Variants in PADI4 observed in about 807,000 individuals in gnomAD.
PADI4 encodes the protein protein-arginine deiminase type-4.
PADI4 carries 62 observed loss-of-function variants against 75.0 expected under a neutral mutation model. That is an observed-to-expected ratio of 0.83 (90% CI 0.67 to 1.02). The LOEUF (loss-of-function observed/expected upper bound fraction) is 1.02, where lower values mean the gene tolerates loss of function less well. Among genes scored for constraint, PADI4 ranks in the 50% least tolerant of loss-of-function variants. PADI4 has a pLI of 0.00. For missense variants in PADI4, 845 were observed against 850.5 expected (o/e 0.99, Z 0.08); for synonymous variants, 361 against 348.1 (o/e 1.04, Z -0.41).
chr1:17,316,777 C>T lies in PADI4; in HGVS notation c.92+8463C>T, dbSNP rs966425447. 1.1e-3 allele frequency among the ~76,000 whole-genome samples: 172 copies of T among 151,634 alleles called. 1 individual carries two copies. The highest frequency in any genetic ancestry group is 1.6e-3 in the Admixed American group (25 of 15,226). On this transcript the variant is annotated intron_variant, in intron 1 of 15. Transcript: ENST00000375448. ...ATAACACCCCTGCCCAAAAACAACC[C>T]CCCCACCCGTCTCCCCTGCCCCGCG...
In PADI4 at chr1:17,339,753, A is replaced by G. The variant is rs1350616870; in HGVS notation, c.592A>G (p.Thr198Ala). 4 of 1,613,910 alleles carry G rather than the reference A, an allele frequency of 2.5e-6. No homozygotes were observed. The African/African-American group carries it at 5.3e-5, about 22-fold the overall frequency. Residue 198 changes from threonine to alanine, a missense_variant, in exon 6 of 16, where the codon ACA becomes GCA. Coordinates refer to ENST00000375448, the MANE Select transcript of PADI4 (RefSeq NM_012387.3). ...KTPKDFFTNHTLVLHVARSEM... is the reference protein window; with the variant it reads ...KTPKDFFTNHALVLHVARSEM... ...CCCCAAGGACTTCTTCACAAACCAT[A>G]CACTGGTGCTCCACGTGGCCAGGTC...
chr1:17,331,255 G>C, intron 2 of PADI4, 106 bp downstream of exon 2: 2 of 975,832 alleles, frequency 2.0e-6, no homozygotes, highest in Non-Finnish European at 3.0e-6. Context: ...AGAGCCTCTT[G>C]CCCTGTGGAA....
chr1:17,329,329 A>G (rs2074169017), intron 1 of PADI4, among the ~76,000 whole-genome samples: 1 of 151,834 alleles, frequency 6.6e-6, no homozygotes, highest in South Asian at 2.1e-4. Flanking sequence ...GTCTCAAAAA[A>G]AAAAAAAAAA....
chr1:17,363,377 C>A (rs559682222), intron 15 of PADI4, 145 bp from the exon 16 acceptor site: 16 of 612,086 alleles, frequency 2.6e-5, no homozygotes, highest in Non-Finnish European at 4.7e-5. Context: ...CCTGCCTCAG[C>A]CTCCCAAAGT....
Position 17,333,701 on chromosome 1 carries a change from C to CCTGCCA in PADI4, c.274-241_274-236dup, listed in dbSNP as rs937442751. Among the ~76,000 whole-genome samples the CCTGCCA allele has an allele frequency of 5.3e-5, 8 of 151,920 alleles. No individual in the cohort carries two copies. In the South Asian group the frequency reaches 8.3e-4, roughly 16 times the overall value. Reference sequence around the variant, plus strand: ...CAAAGCACACTCCTTCACAAACGACCCTGCCAGGCAGAGTGTCTCCATTGC... The same window carrying CCTGCCA: ...CAAAGCACACTCCTTCACAAACGACCCTGCCACTGCCAGGCAGAGTGTCTCCATTGC... On this transcript the variant is annotated intron_variant, in intron 2 of 15. Transcript: ENST00000375448.
chr1:17,340,712 G>A (rs1423851204), intron 6 of PADI4, among the ~76,000 whole-genome samples: 2 of 151,500 alleles, frequency 1.3e-5, no homozygotes, highest in African/African-American at 4.9e-5. Flanking sequence ...GAGATGGAGA[G>A]CGCCATGGGA....
At chr1:17,359,157 C>G in intron 14 of PADI4, 123 bp from the exon 15 acceptor site, 1 of 765,704 alleles carries the variant, frequency 1.3e-6, no homozygotes, top group South Asian at 1.7e-5. Flanking sequence ...GCCACCTTCA[C>G]TGCCTTCCTG....
intron 6 of PADI4, among the ~76,000 whole-genome samples, chr1:17,340,050 G>GCACACACA (rs758140461): frequency 7.4e-4 from 110 of 148,734 alleles, no homozygotes; most frequent in African/African-American, 1.9e-3. Flanking sequence ...ACACACGCGC[G>GCACACACA]CGCACACACA....
chr1:17,330,208 G>T (rs969565657), intron 1 of PADI4, among the ~76,000 whole-genome samples: 1 of 152,136 alleles, frequency 6.6e-6, no homozygotes, highest in Admixed American at 6.5e-5. Context: ...AAACCCTTCA[G>T]GTCAGGGGAT....
At chr1:17,330,269 C>A (rs1366421655) in intron 1 of PADI4, among the ~76,000 whole-genome samples, 2 of 152,182 alleles carry the variant, frequency 1.3e-5, no homozygotes, top group Admixed American at 6.5e-5. Flanking sequence ...GTACTTACTC[C>A]CCACGGTCAG....
At chr1:17,328,658 A>G (rs67610611) in intron 1 of PADI4, among the ~76,000 whole-genome samples, 46 of 150,962 alleles carry the variant, frequency 3.0e-4, no homozygotes, top group African/African-American at 6.1e-4. Flanking sequence ...AAAAAAAAAA[A>G]ATAAGTTTAA....
chr1:17,359,527 G>T, intron 15 of PADI4, 119 bp downstream of exon 15: 1 of 1,387,180 alleles, frequency 7.2e-7, no homozygotes, highest in Non-Finnish European at 9.9e-7. Flanking sequence ...ACCGTTTGTA[G>T]CTTTGTCCTG....
chr1:17,335,120 G>A (rs947523886), intron 3 of PADI4, among the ~76,000 whole-genome samples: 20 of 151,654 alleles, frequency 1.3e-4, no homozygotes, highest in African/African-American at 4.6e-4. Flanking sequence ...GGGTGACAGA[G>A]TGAGACCCAG....
chr1:17,349,392 T>C (rs2074579683), intron 10 of PADI4, among the ~76,000 whole-genome samples: 1 of 152,150 alleles, frequency 6.6e-6, no homozygotes, highest in South Asian at 2.1e-4. Flanking sequence ...TAAGCACATC[T>C]GTGTATTCCA....
chr1:17,352,127 G>T lies in PADI4; in HGVS notation c.1156-2406G>T, dbSNP rs147265466. Among the ~76,000 whole-genome samples, 835 of 134,796 alleles carry T rather than the reference G, an allele frequency of 6.2e-3. 7 individuals carry two copies. The highest frequency in any genetic ancestry group is 8.4e-3 in the Non-Finnish European group (510 of 60,628). The allele number at this position is 134,796 out of a possible 152,430, so 88.4% of individuals were successfully genotyped here. On this transcript the variant is annotated intron_variant, in intron 10 of 15. Coordinates refer to ENST00000375448, the MANE Select transcript of PADI4 (RefSeq NM_012387.3). ...GGTAGGAGAGACTGTGGTCAGAGAGGTGATGGGAGGCAGTAGGAGAGGCAA... is the reference window on the plus strand; with the variant it reads ...GGTAGGAGAGACTGTGGTCAGAGAGTTGATGGGAGGCAGTAGGAGAGGCAA...
chr1:17,352,151 A>AGTC (rs1557577339), intron 10 of PADI4, among the ~76,000 whole-genome samples: 5 of 124,378 alleles, frequency 4.0e-5, no homozygotes, highest in African/African-American at 9.9e-5. Context: ...TAGGAGAGGC[A>AGTC]ATCAGGGAGG....
chr1:17,351,606 T>C (rs1003058711), intron 10 of PADI4, among the ~76,000 whole-genome samples: 1 of 84,466 alleles, frequency 1.2e-5, no homozygotes, highest in African/African-American at 4.4e-5. Flanking sequence ...TAAGACCTGG[T>C]CTCAAAAAAA....
chr1:17,344,487 C>G (rs1032153440), intron 8 of PADI4, among the ~76,000 whole-genome samples: 1 of 152,238 alleles, frequency 6.6e-6, no homozygotes, highest in Non-Finnish European at 1.5e-5. Flanking sequence ...GTCTCCAGGG[C>G]ATGTCAGAGG....
At chr1:17,354,962 C>T (rs2074735222) in intron 11 of PADI4, among the ~76,000 whole-genome samples, 1 of 152,144 alleles carries the variant, frequency 6.6e-6, no homozygotes, top group African/African-American at 2.4e-5. Flanking sequence ...CAGCCGTGGA[C>T]AAGAAAGACA....
Sources: allele counts gnomAD v4.1 joint callset (sites outside exome capture counted in the v4.1 genomes callset), GRCh38; gene constraint gnomAD v4.1.1; transcripts MANE v1.5; gene names NCBI Gene and HGNC (gene_info 2026-07-23, HGNC 2026-07-21).